The following MAP3K9 variants were observed in gnomAD, a reference collection of about 807,000 sequenced individuals.
MAP3K9 encodes the protein mitogen-activated protein kinase kinase kinase 9, also known as mixed lineage kinase 1 (tyr and ser/thr specificity).
In MAP3K9, 46 loss-of-function variants were observed where a neutral mutation model predicts 95.8. The observed-to-expected ratio is 0.48, with a 90% CI of 0.38 to 0.61. MAP3K9 has a LOEUF of 0.61. MAP3K9 is among the 20% of genes least tolerant of loss of function. The probability of loss-of-function intolerance (pLI) is 0.00; values close to 1 mark genes in which losing one functional copy is unlikely to be tolerated. For synonymous variants in MAP3K9, 533 were observed against 593.8 expected (o/e 0.90, Z 1.49); for missense variants, 1,296 against 1,474.3 (o/e 0.88, Z 1.98).
chr14:70,745,606 C>T (rs1470343919), intron 5 of MAP3K9, among the ~76,000 whole-genome samples: 1 of 152,004 alleles, frequency 6.6e-6, no homozygotes, highest in Non-Finnish European at 1.5e-5. Flanking sequence ...GGCATGTTGA[C>T]GTGCACCTGT....
intron 2 of MAP3K9, among the ~76,000 whole-genome samples, chr14:70,796,607 A>T (rs951499760): frequency 6.6e-6 from 1 of 152,154 alleles, no homozygotes; most frequent in African/African-American, 2.4e-5. Context: ...TGGCCAGGCG[A>T]CCACACTCTG....
intron 4 of MAP3K9, 138 bp downstream of exon 4, chr14:70,749,795 G>T: frequency 2.0e-6 from 2 of 980,688 alleles, no homozygotes; most frequent in South Asian, 1.7e-5. Context: ...CTTTCCAGTT[G>T]CCCAGAGGAT....
At chr14:70,784,918 C>T (rs1460889002) in intron 2 of MAP3K9, among the ~76,000 whole-genome samples, 1 of 152,164 alleles carries the variant, frequency 6.6e-6, no homozygotes. Flanking sequence ...TGGGGATGAT[C>T]TACCCCACAA....
intron 2 of MAP3K9, among the ~76,000 whole-genome samples, chr14:70,768,272 T>A (rs1336327483): frequency 6.6e-6 from 1 of 151,888 alleles, no homozygotes; most frequent in Non-Finnish European, 1.5e-5. Flanking sequence ...CAAAAATATA[T>A]ACACCTATTA....
intron 1 of MAP3K9, among the ~76,000 whole-genome samples, chr14:70,803,140 C>T (rs1410837649): frequency 3.9e-5 from 6 of 151,922 alleles, no homozygotes; most frequent in East Asian, 1.9e-4. Context: ...CTTCACCTTC[C>T]GCCATGAATA....
chr14:70,771,039 T>C (rs2054525169), intron 2 of MAP3K9, among the ~76,000 whole-genome samples: 1 of 152,040 alleles, frequency 6.6e-6, no homozygotes, highest in South Asian at 2.1e-4. Flanking sequence ...TTCTGTGATA[T>C]AAAGGGATTG....
Position 70,723,130 on chromosome 14 carries a change from C to T in MAP3K9, c.*7250G>A, listed in dbSNP as rs2053775214. On this transcript the variant is annotated 3_prime_UTR_variant, in exon 12 of 12. Coordinates refer to ENST00000554752, the MANE Select transcript of MAP3K9 (RefSeq NM_001284230.2). Reference sequence around the variant, plus strand: ...CTTTGCTACAACTGTGTATCAAAGGCATGTGGCTCAATGTGACAAAAAGGC... The same window carrying T: ...CTTTGCTACAACTGTGTATCAAAGGTATGTGGCTCAATGTGACAAAAAGGC... 1 of 152,162 alleles carries T rather than the reference C, an allele frequency of 6.6e-6. No homozygotes were observed. Among genetic ancestry groups the T allele is most frequent in the Admixed American group, 6.5e-5 (1 of 15,278 alleles). The allele number at this position is 152,162 out of a possible 1,614,324, so 9.4% of individuals were successfully genotyped here.
intron 9 of MAP3K9, 52 bp downstream of exon 9, chr14:70,735,909 G>A: frequency 3.0e-6 from 4 of 1,314,452 alleles, no homozygotes; most frequent in Non-Finnish European, 4.4e-6. Flanking sequence ...CAAGGAAATG[G>A]AAGGGAGATT....
Position 70,800,631 on chromosome 14 carries a change from C to T in MAP3K9, c.820+36G>A, listed in dbSNP as rs191987766. On this transcript the variant is annotated intron_variant, in intron 2 of 11. Coordinates refer to ENST00000554752, the MANE Select transcript of MAP3K9 (RefSeq NM_001284230.2). ...ACGTCGTGGGATACAACTGCAACTG[C>T]TCTGAGCCCCTCCAGCCCCATCTCT... The T allele has an allele frequency of 3.1e-6, 5 of 1,592,634 alleles. No homozygotes were observed. In the African/African-American group the frequency reaches 6.7e-5, roughly 21 times the overall value.
intron 2 of MAP3K9, among the ~76,000 whole-genome samples, chr14:70,799,340 T>G (rs1378324367): frequency 3.3e-5 from 5 of 151,454 alleles, no homozygotes; most frequent in African/African-American, 9.7e-5. Flanking sequence ...AAAATGTAGT[T>G]TTTTTGTTTG....
In MAP3K9 at chr14:70,769,389, T is replaced by C. The variant is rs1309077917; in HGVS notation, c.821-8207A>G. 2.6e-5 allele frequency among the ~76,000 whole-genome samples: 4 copies of C among 152,236 alleles called. No individual in the cohort carries two copies. In the East Asian group the frequency reaches 7.7e-4, roughly 29 times the overall value. ...TGTTATTCATTTCTTTACTTCTCTTTATGATTTTACCAGCTATGTACACAT... is the reference window on the plus strand; with the variant it reads ...TGTTATTCATTTCTTTACTTCTCTTCATGATTTTACCAGCTATGTACACAT... On this transcript the variant is annotated intron_variant, in intron 2 of 11. Coordinates refer to ENST00000554752, the MANE Select transcript of MAP3K9 (RefSeq NM_001284230.2).
chr14:70,765,015 ATTAAT>A (rs2054430970), intron 2 of MAP3K9, among the ~76,000 whole-genome samples: 1 of 152,028 alleles, frequency 6.6e-6, no homozygotes, highest in African/African-American at 2.4e-5. Context: ...GTAAGCTAAG[ATTAAT>A]TTATTATTGA....
intron 6 of MAP3K9, among the ~76,000 whole-genome samples, chr14:70,741,829 C>A (rs1030995332): frequency 3.9e-5 from 6 of 152,164 alleles, no homozygotes; most frequent in Admixed American, 6.5e-5. Flanking sequence ...CGCCTGTAAT[C>A]CCAGCTGCTC....
At chr14:70,731,937 G>A (rs903259034) in intron 11 of MAP3K9, among the ~76,000 whole-genome samples, 2 of 151,804 alleles carry the variant, frequency 1.3e-5, no homozygotes, top group African/African-American at 4.8e-5. Flanking sequence ...AAGAGTGTGT[G>A]TCCCCAGGTG....
At position 70,740,092 on chromosome 14, in the gene MAP3K9, G is replaced by C; in HGVS notation, c.1640C>G (p.Ser547Cys). ...DKRKSLINSR[S>C]SPPASPTIIP... Reference sequence around the variant, plus strand: ...GATGGTGGGGCTTGCAGGAGGACTGGAGCGGCTGTTGATAAGACTCTTCCT... The same window carrying C: ...GATGGTGGGGCTTGCAGGAGGACTGCAGCGGCTGTTGATAAGACTCTTCCT... Residue 547 changes from serine (S) to cysteine (C), a missense_variant, in exon 7 of 12, where the codon TCC becomes TGC. Around this residue, in one of 5 missense-constraint regions of MAP3K9, gnomAD observed 377 missense variants for 417.1 expected, o/e 0.90. Transcript: ENST00000554752. 2.5e-6 allele frequency: 4 copies of C among 1,614,206 alleles called. No individual in the cohort carries two copies. The highest frequency in any genetic ancestry group is 3.4e-6 in the Non-Finnish European group (4 of 1,180,032).
Position 70,809,056 on chromosome 14 carries a change from GCCTCCTCCTCCT to G in MAP3K9, c.104_115del (p.Glu35_Glu38del), listed in dbSNP as rs397840789. On this transcript the variant is annotated inframe_deletion, in exon 1 of 12. Transcript: ENST00000554752. ...CTCCCCGGGGCCCACCGCCGCCGCC[GCCTCCTCCTCCT>G]CCTCCTCCTCCTCCTCGGCCCCGGC... The G allele has an allele frequency of 1.7e-5, 24 of 1,422,758 alleles. No homozygotes were observed. The highest frequency in any genetic ancestry group is 3.0e-5 in the African/African-American group (2 of 66,136). 88.1% of individuals were successfully genotyped at this position (1,422,758 alleles called of 1,614,324 possible).
chr14:70,763,532 T>C (rs1457078325), intron 2 of MAP3K9, among the ~76,000 whole-genome samples: 1 of 110,212 alleles, frequency 9.1e-6, no homozygotes, highest in Non-Finnish European at 2.0e-5. Flanking sequence ...TTTATGTATT[T>C]ACTTTTTTTT....
rs149935990 is a variant in MAP3K9, at chr14:70,733,127, G to A, written c.2242C>T (p.Arg748Cys). 2.2e-4 allele frequency: 354 copies of A among 1,613,646 alleles called. No individual in the cohort carries two copies. Among genetic ancestry groups the A allele is most frequent in the Non-Finnish European group, 2.9e-4 (347 of 1,179,850 alleles). The change falls in exon 11 of 12, where the codon CGC (arginine) becomes TGC (cysteine). Residue 748 changes from arginine to cysteine, a missense_variant. Around this residue, in one of 5 missense-constraint regions of MAP3K9, gnomAD observed 377 missense variants for 417.1 expected, o/e 0.90. Coordinates refer to ENST00000554752, the MANE Select transcript of MAP3K9 (RefSeq NM_001284230.2). ...SLKRGGAHHRRCEVALLGCGA... is the reference protein window; with the variant it reads ...SLKRGGAHHRCCEVALLGCGA... Reference sequence around the variant, plus strand: ...CAGCCGAGCAGAGCCACCTCGCAGCGGCGGTGGTGGGCACCGCCCCGCTTG... The same window carrying A: ...CAGCCGAGCAGAGCCACCTCGCAGCAGCGGTGGTGGGCACCGCCCCGCTTG...
chr14:70,795,878 C>T (rs2054859216), intron 2 of MAP3K9, among the ~76,000 whole-genome samples: 1 of 151,956 alleles, frequency 6.6e-6, no homozygotes, highest in South Asian at 2.1e-4. Context: ...GCCTCAGCCT[C>T]CCGAGTAGCT....
Sources: gnomAD v4.1 joint callset for allele counts (sites outside exome capture counted in the v4.1 genomes callset) on GRCh38, gnomAD v4.1.1 for gene constraint, gnomAD v4.1.1 regional missense constraint, MANE v1.5 for transcripts, NCBI Gene and HGNC (gene_info 2026-07-23, HGNC 2026-07-21) for gene names.